Variants in CPAP observed in about 807,000 individuals in gnomAD.
CPAP encodes the protein centrosome assembly and centriole elongation protein, also known as centrosomal P4.1-associated protein.
At chr13:24,920,924 G>A in the CPAP span, among the ~76,000 whole-genome samples, 8 of 152,068 alleles carry the variant, frequency 5.3e-5, no homozygotes, top group African/African-American at 1.7e-4. Context: ...ACCGCACCTG[G>A]CCCATGTTTC....
chr13:24,903,526 G>A, the CPAP span, among the ~76,000 whole-genome samples: 71 of 152,304 alleles, frequency 4.7e-4, no homozygotes, highest in Middle Eastern at 6.8e-3. Flanking sequence ...AGCATGGCCC[G>A]CCTTGCTGAT....
At chr13:24,922,255 A>G in the CPAP span, among the ~76,000 whole-genome samples, 1 of 152,224 alleles carries the variant, frequency 6.6e-6, no homozygotes, top group Non-Finnish European at 1.5e-5. Flanking sequence ...GGATACAAAC[A>G]GCAAATTCAA....
the CPAP span, chr13:24,906,394 C>T: frequency 1.9e-6 from 3 of 1,612,806 alleles, no homozygotes; most frequent in Non-Finnish European, 2.5e-6. Context: ...AAGATTCAGA[C>T]TCTTTCATGG....
chr13:24,906,959 T>C, the CPAP span: 2 of 1,612,866 alleles, frequency 1.2e-6, no homozygotes, highest in Non-Finnish European at 1.7e-6. Context: ...TCCTTCTGCT[T>C]CCTAAAATAA....
chr13:24,894,812 A>G, the CPAP span, among the ~76,000 whole-genome samples: 3 of 151,942 alleles, frequency 2.0e-5, no homozygotes, highest in African/African-American at 7.2e-5. Context: ...GAGAGGCCGC[A>G]GCCAGCCAGC....
chr13:24,906,088 C>G, the CPAP span: 2 of 1,612,882 alleles, frequency 1.2e-6, no homozygotes, highest in Non-Finnish European at 8.5e-7. Flanking sequence ...CGACTTCACA[C>G]TCACTCTCCT....
chr13:24,882,568 T>TC, the CPAP span: 1 of 153,338 alleles, frequency 6.5e-6, no homozygotes, highest in African/African-American at 2.4e-5. Flanking sequence ...CTCTCAAGTA[T>TC]CCCATTTTGA....
the CPAP span, chr13:24,908,158 A>G: frequency 6.9e-7 from 1 of 1,450,138 alleles, no homozygotes; most frequent in Non-Finnish European, 9.7e-7. Flanking sequence ...ATTTAGCTCA[A>G]GAAAAGCATA....
the CPAP span, among the ~76,000 whole-genome samples, chr13:24,919,930 A>G: frequency 6.6e-6 from 1 of 151,516 alleles, no homozygotes; most frequent in Non-Finnish European, 1.5e-5. Flanking sequence ...TGCCCAGCTT[A>G]TTTTTTATTT....
At chr13:24,922,744 T>C in the CPAP span, 72 of 152,380 alleles carry the variant, frequency 4.7e-4, no homozygotes, top group African/African-American at 1.5e-3. Context: ...CCTCCGCTCT[T>C]TTCGCCCACA....
At chr13:24,919,012 G>A in the CPAP span, among the ~76,000 whole-genome samples, 1 of 151,332 alleles carries the variant, frequency 6.6e-6, no homozygotes, top group African/African-American at 2.4e-5. Flanking sequence ...TTATAAAAAA[G>A]CCTGGAAAGA....
the CPAP span, chr13:24,912,839 C>G: frequency 3.9e-3 from 6,313 of 1,614,124 alleles, 226 homozygotes; most frequent in African/African-American, 0.073. Flanking sequence ...CTGAAGCTAT[C>G]AGAAAAATGT....
the CPAP span, among the ~76,000 whole-genome samples, chr13:24,926,062 T>A: frequency 2.6e-5 from 4 of 152,208 alleles, no homozygotes; most frequent in African/African-American, 9.6e-5. Context: ...CATATCTGCG[T>A]CTGAGTACTC....
chr13:24,889,368 A>C, the CPAP span: 1 of 1,611,970 alleles, frequency 6.2e-7, no homozygotes, highest in Admixed American at 1.7e-5. Context: ...TTCCTGAAGA[A>C]ATCTGACTGT....
the CPAP span, chr13:24,912,728 G>GA: frequency 6.2e-7 from 1 of 1,614,174 alleles, no homozygotes; most frequent in African/African-American, 1.3e-5. Context: ...TTAATGCAAG[G>GA]AAAGGCTGTA....
At chr13:24,905,690 G>T in the CPAP span, 1 of 1,614,164 alleles carries the variant, frequency 6.2e-7, no homozygotes, top group South Asian at 1.1e-5. Context: ...TAGGGATGAG[G>T]ATCTCGAGGG....
chr13:24,931,010 TG>T, the CPAP span, among the ~76,000 whole-genome samples: 1 of 152,210 alleles, frequency 6.6e-6, no homozygotes, highest in Non-Finnish European at 1.5e-5. Context: ...ACTGTTCTGA[TG>T]GTATCTCATT....
chr13:24,915,869 G>C, the CPAP span, among the ~76,000 whole-genome samples: 2,545 of 152,282 alleles, frequency 0.017, 76 homozygotes, highest in African/African-American at 0.058. Context: ...GAGGCTAAGT[G>C]ATGAAAGTGT....
chr13:24,913,092 C>A, the CPAP span: 3 of 1,418,060 alleles, frequency 2.1e-6, no homozygotes, highest in African/African-American at 2.8e-5. Flanking sequence ...TTTCCAACAC[C>A]TGTAGACAAA....
Sources: gnomAD v4.1 joint callset for allele counts (sites outside exome capture counted in the v4.1 genomes callset) on GRCh38, gnomAD v4.1.1 for gene constraint, MANE v1.5 for transcripts, NCBI Gene and HGNC (gene_info 2026-07-23, HGNC 2026-07-21) for gene names.